The following ATP2B4 variants were observed in gnomAD, a reference collection of about 807,000 sequenced individuals.
The protein encoded by ATP2B4 is plasma membrane calcium-transporting ATPase 4.
A neutral mutation model predicts 110.3 loss-of-function variants in ATP2B4; 39 were observed. The observed-to-expected ratio is 0.35, with a 90% CI of 0.27 to 0.46. The LOEUF (loss-of-function observed/expected upper bound fraction) is 0.46, where lower values mean the gene tolerates loss of function less well. Ranked by LOEUF, ATP2B4 falls within the 20% of genes least tolerant of loss-of-function variation. The pLI is 1.00. For synonymous variants in ATP2B4, 538 were observed against 571.7 expected, an observed-to-expected ratio of 0.94 and a Z score of 0.84; for missense variants, 1,135 against 1,530.9, an observed-to-expected ratio of 0.74 and a Z score of 4.32.
rs1666374740 is a variant in ATP2B4, at chr1:203,722,699, T to C, written c.3024+10T>C. The C allele has an allele frequency of 6.2e-7, 1 of 1,613,310 alleles. No individual in the cohort carries two copies. The highest frequency in any genetic ancestry group is 8.5e-7 in the Non-Finnish European group (1 of 1,179,240). On this transcript the variant is annotated intron_variant, in intron 18 of 20. Coordinates refer to ENST00000357681, the MANE Select transcript of ATP2B4 (RefSeq NM_001684.5). ...CACATTCATCTGCCAGGTGAGATTC[T>C]ATCTGCAGTTGGGGCAGGAGATCTG...
intron 20 of ATP2B4, among the ~76,000 whole-genome samples, chr1:203,739,293 CTTTT>C (rs1471842970): frequency 6.6e-6 from 1 of 152,094 alleles, no homozygotes; most frequent in Admixed American, 6.5e-5. Flanking sequence ...GGGTTTTCTA[CTTTT>C]TTTAATGCAG....
At chr1:203,647,530 G>A (rs918010389) in intron 1 of ATP2B4, among the ~76,000 whole-genome samples, 2 of 152,100 alleles carry the variant, frequency 1.3e-5, no homozygotes, top group Non-Finnish European at 2.9e-5. Flanking sequence ...GAGGCAAAGC[G>A]GGAGAATTGC....
At chr1:203,641,815 A>G (rs1474169365) in intron 1 of ATP2B4, among the ~76,000 whole-genome samples, 2 of 151,922 alleles carry the variant, frequency 1.3e-5, no homozygotes, top group Non-Finnish European at 2.9e-5. Context: ...AAGGTTATTT[A>G]CTCTCCTGGA....
chr1:203,722,727 A>G (rs1275064935), intron 18 of ATP2B4, 38 bp downstream of exon 18: 1 of 1,601,108 alleles, frequency 6.2e-7, no homozygotes, highest in South Asian at 1.1e-5. Context: ...GAGATCTGGA[A>G]TGATAAAGGG....
intron 1 of ATP2B4, chr1:203,657,177 G>A: frequency 1.2e-6 from 1 of 807,328 alleles, no homozygotes; most frequent in Admixed American, 1.9e-5. Flanking sequence ...GTGGGCAAAA[G>A]GTGGCTTTCA....
chr1:203,737,778 G>C (rs368218394), intron 20 of ATP2B4, among the ~76,000 whole-genome samples: 22 of 152,298 alleles, frequency 1.4e-4, no homozygotes, highest in African/African-American at 5.1e-4. Flanking sequence ...GAGTGGCAAG[G>C]AGTCCTTTGC....
intron 15 of ATP2B4, among the ~76,000 whole-genome samples, chr1:203,720,181 G>A (rs1230582031): frequency 7.9e-5 from 12 of 152,160 alleles, no homozygotes; most frequent in East Asian, 1.9e-4. Context: ...CAAAGGTGTC[G>A]GAATAACATG....
chr1:203,678,514 C>T (rs1664897977), intron 1 of ATP2B4, among the ~76,000 whole-genome samples: 1 of 151,866 alleles, frequency 6.6e-6, no homozygotes. Context: ...AATGACCCTC[C>T]CACCTCAGCC....
chr1:203,710,284 C>T (rs528989343), intron 11 of ATP2B4, among the ~76,000 whole-genome samples: 1 of 152,046 alleles, frequency 6.6e-6, no homozygotes, highest in African/African-American at 2.4e-5. Context: ...GCAGGAGAAT[C>T]GCTTGAACCC....
chr1:203,667,312 A>C (rs1056646840), intron 1 of ATP2B4, among the ~76,000 whole-genome samples: 1 of 152,210 alleles, frequency 6.6e-6, no homozygotes, highest in African/African-American at 2.4e-5. Flanking sequence ...AGAAAGTTTC[A>C]AACAAAGCAA....
chr1:203,722,369 T>C, intron 17 of ATP2B4, 109 bp from the exon 18 acceptor site: 1 of 846,498 alleles, frequency 1.2e-6, no homozygotes. Flanking sequence ...CAGATATTGA[T>C]TAATTAGAAT....
chr1:203,657,372 T>C (rs1373385831), intron 1 of ATP2B4: 17 of 745,694 alleles, frequency 2.3e-5, no homozygotes, highest in Non-Finnish European at 3.0e-5. Context: ...TCCCTGGGCA[T>C]GTACTTTAGT....
chr1:203,679,101 C>T (rs1404200427), intron 1 of ATP2B4, among the ~76,000 whole-genome samples: 2 of 151,998 alleles, frequency 1.3e-5, no homozygotes, highest in Non-Finnish European at 2.9e-5. Flanking sequence ...GAGGAGGGAG[C>T]ACATACCTTA....
chr1:203,733,462 T>G (rs1420844841), intron 20 of ATP2B4: 3 of 1,451,204 alleles, frequency 2.1e-6, no homozygotes. Flanking sequence ...GCACGTGGCA[T>G]CCACTTTAAC....
At chr1:203,730,422 G>T (rs926693195) in intron 20 of ATP2B4, among the ~76,000 whole-genome samples, 15 of 152,046 alleles carry the variant, frequency 9.9e-5, no homozygotes. Context: ...ACTCCAGGCT[G>T]CTGACTCCAA....
Position 203,683,241 on chromosome 1 carries a change from C to T in ATP2B4, c.36C>T (p.Asn12=). The T allele has an allele frequency of 6.2e-7, 1 of 1,614,140 alleles. No individual in the cohort carries two copies. The highest frequency in any genetic ancestry group is 8.5e-7 in the Non-Finnish European group (1 of 1,180,006). Residue 12 remains asparagine (N), a synonymous_variant, in exon 2 of 21, where the codon AAC becomes AAT. Transcript: ENST00000357681. ...TNPSDRVLPA[N]SMAESREGDF... is the part of the protein sequence containing the mutation. ...CATCAGACCGTGTCTTGCCTGCCAA[C>T]TCGATGGCCGAGAGCCGTGAAGGGG...
intron 2 of ATP2B4, among the ~76,000 whole-genome samples, chr1:203,692,132 G>A (rs533133220): frequency 3.3e-5 from 5 of 151,280 alleles, no homozygotes; most frequent in South Asian, 2.1e-4. Flanking sequence ...CGCCCGCCTC[G>A]GCCTCCCAAA....
chr1:203,633,961 A>G (rs1663357696), intron 1 of ATP2B4, among the ~76,000 whole-genome samples: 1 of 152,110 alleles, frequency 6.6e-6, no homozygotes, highest in Admixed American at 6.5e-5. Context: ...GAGGCAGGAG[A>G]ATCGCTTGAA....
At chr1:203,734,705 CAA>C (rs35242931) in intron 20 of ATP2B4, among the ~76,000 whole-genome samples, 35,561 of 123,550 alleles carry the variant, frequency 0.29, 4,979 homozygotes, top group Admixed American at 0.45. Flanking sequence ...GACTCCATCT[CAA>C]AAAAAAAAAA....
Sources: gnomAD v4.1 joint callset for allele counts (sites outside exome capture counted in the v4.1 genomes callset) on GRCh38, gnomAD v4.1.1 for gene constraint, MANE v1.5 for transcripts, NCBI Gene and HGNC (gene_info 2026-07-23, HGNC 2026-07-21) for gene names.